ARL15: variants seen among roughly 807,000 people sequenced by gnomAD.
ARL15 encodes ADP-ribosylation factor-like protein 15.
A neutral mutation model predicts 25.2 loss-of-function variants in ARL15; 19 were observed. That is an observed-to-expected ratio of 0.75 (90% CI 0.53 to 1.10). ARL15 has a LOEUF of 1.10. Ranked by LOEUF, ARL15 falls within the 50% of genes least tolerant of loss-of-function variation. The pLI is 0.00. For synonymous variants in ARL15, 94 were observed against 86.8 expected, an observed-to-expected ratio of 1.08 and a Z score of -0.46; for missense variants, 220 against 246.0, an observed-to-expected ratio of 0.89 and a Z score of 0.71.
intron 1 of ARL15, among the ~76,000 whole-genome samples, chr5:54,179,783 C>T (rs1240218987): frequency 6.6e-6 from 1 of 151,794 alleles, no homozygotes; most frequent in Non-Finnish European, 1.5e-5. Context: ...TTTGGGAGGC[C>T]GAGGTAGGGG....
intron 4 of ARL15, among the ~76,000 whole-genome samples, chr5:53,895,538 C>A (rs1439219609): frequency 1.3e-5 from 2 of 152,030 alleles, no homozygotes; most frequent in African/African-American, 4.8e-5. Flanking sequence ...GTTTTTGGTG[C>A]CCTTGAGGAT....
intron 1 of ARL15, among the ~76,000 whole-genome samples, chr5:54,243,907 G>C (rs1207186459): frequency 6.6e-6 from 1 of 152,204 alleles, no homozygotes; most frequent in African/African-American, 2.4e-5. Context: ...AAGGGTGAGA[G>C]ATTCGGACCA....
intron 4 of ARL15, among the ~76,000 whole-genome samples, chr5:54,066,925 G>T (rs1349349571): frequency 1.3e-5 from 2 of 152,128 alleles, no homozygotes; most frequent in East Asian, 3.8e-4. Context: ...GGTAGGTGCT[G>T]GGTAATACAA....
intron 3 of ARL15, among the ~76,000 whole-genome samples, chr5:54,126,760 A>G (rs1335573301): frequency 4.6e-5 from 7 of 152,266 alleles, no homozygotes; most frequent in African/African-American, 1.7e-4. Context: ...CCAAGTGCCA[A>G]TGCCATGCCT....
chr5:54,117,671 C>T (rs1752946310), intron 3 of ARL15, among the ~76,000 whole-genome samples: 2 of 152,078 alleles, frequency 1.3e-5, no homozygotes, highest in Admixed American at 1.3e-4. Flanking sequence ...TGACAATAAG[C>T]ACTTGTACAA....
intron 4 of ARL15, among the ~76,000 whole-genome samples, chr5:53,989,576 G>GGT (rs34198507): frequency 2.2e-3 from 324 of 149,588 alleles, no homozygotes; most frequent in African/African-American, 3.7e-3. Flanking sequence ...ACCAGGGAGG[G>GGT]GTGTGTGTGT....
intron 4 of ARL15, among the ~76,000 whole-genome samples, chr5:53,893,418 A>G (rs1171067609): frequency 6.6e-6 from 1 of 152,176 alleles, no homozygotes; most frequent in Non-Finnish European, 1.5e-5. Flanking sequence ...CATCCTGGCT[A>G]ACACGGTGAA....
chr5:54,085,035 C>T (rs2112122920), intron 4 of ARL15, among the ~76,000 whole-genome samples: 1 of 152,272 alleles, frequency 6.6e-6, no homozygotes, highest in Non-Finnish European at 1.5e-5. Context: ...ATTTGAGAAT[C>T]CACTTCACTG....
chr5:54,190,997 G>T (rs1332736157), intron 1 of ARL15, among the ~76,000 whole-genome samples: 2 of 152,140 alleles, frequency 1.3e-5, no homozygotes, highest in Non-Finnish European at 2.9e-5. Flanking sequence ...TGGAAGAGTT[G>T]TTTGTACACT....
intron 4 of ARL15, among the ~76,000 whole-genome samples, chr5:53,937,125 TC>T (rs1746372205): frequency 6.6e-6 from 1 of 152,210 alleles, no homozygotes; most frequent in African/African-American, 2.4e-5. Context: ...CCAAGAGTTC[TC>T]CGTCCCCGGA....
At chr5:53,933,076 T>C (rs1746242610) in intron 4 of ARL15, among the ~76,000 whole-genome samples, 1 of 152,182 alleles carries the variant, frequency 6.6e-6, no homozygotes, top group South Asian at 2.1e-4. Context: ...TTATTTAGAA[T>C]AGGACAAAGC....
intron 4 of ARL15, among the ~76,000 whole-genome samples, chr5:54,106,609 G>A (rs868230443): frequency 3.9e-5 from 6 of 152,036 alleles, no homozygotes; most frequent in South Asian, 2.1e-4. Flanking sequence ...TAAATGCTAC[G>A]TATATAGTTG....
intron 1 of ARL15, among the ~76,000 whole-genome samples, chr5:54,298,508 G>A (rs1245261587): frequency 6.6e-5 from 10 of 152,078 alleles, no homozygotes; most frequent in African/African-American, 1.7e-4. Context: ...CCAGCACTGC[G>A]CCATCTCTAG....
chr5:53,944,156 G>A (rs1470459363), intron 4 of ARL15, among the ~76,000 whole-genome samples: 1 of 152,028 alleles, frequency 6.6e-6, no homozygotes. Context: ...AAACACAACA[G>A]GGTTTGAACA....
intron 2 of ARL15, among the ~76,000 whole-genome samples, chr5:54,159,721 C>T (rs1754347871): frequency 6.6e-6 from 1 of 152,172 alleles, no homozygotes; most frequent in Non-Finnish European, 1.5e-5. Flanking sequence ...GAAACCTCCC[C>T]TAAGATTTAA....
intron 4 of ARL15, among the ~76,000 whole-genome samples, chr5:53,997,574 G>C (rs1308731190): frequency 6.6e-6 from 1 of 152,068 alleles, no homozygotes; most frequent in African/African-American, 2.4e-5. Context: ...GAGAATGAAA[G>C]GGACCTTGGA....
At chr5:54,197,712 G>C in intron 1 of ARL15, among the ~76,000 whole-genome samples, 1 of 152,098 alleles carries the variant, frequency 6.6e-6, no homozygotes, top group East Asian at 1.9e-4. Context: ...AATTCTACCA[G>C]AGGTACAAGG....
intron 3 of ARL15, among the ~76,000 whole-genome samples, chr5:54,152,165 A>C (rs1282447553): frequency 6.6e-6 from 1 of 152,134 alleles, no homozygotes; most frequent in Non-Finnish European, 1.5e-5. Flanking sequence ...TCATATCTTC[A>C]CACATTGATC....
intron 1 of ARL15, among the ~76,000 whole-genome samples, chr5:54,220,187 G>A (rs763647380): frequency 2.0e-5 from 3 of 152,132 alleles, no homozygotes; most frequent in African/African-American, 7.2e-5. Context: ...ACTAAAGAAA[G>A]TTACCTGTTA....
Sources: gnomAD v4.1 joint callset for allele counts (sites outside exome capture counted in the v4.1 genomes callset) on GRCh38, gnomAD v4.1.1 for gene constraint, MANE v1.5 for transcripts, NCBI Gene and HGNC (gene_info 2026-07-23, HGNC 2026-07-21) for gene names.